Variants in XPA observed in about 807,000 individuals in gnomAD.
XPA encodes XPA, DNA damage recognition and repair factor, also known as DNA repair protein complementing XP-A cells.
In XPA, 27 loss-of-function variants were observed where a neutral mutation model predicts 35.7. That is an observed-to-expected ratio of 0.76 (90% CI 0.56 to 1.04). The LOEUF is 1.04. Among genes scored for constraint, XPA ranks in the 50% least tolerant of loss-of-function variants. XPA has a pLI of 0.00. For synonymous variants in XPA, 133 were observed against 118.4 expected (o/e 1.12, Z -0.80); for missense variants, 354 against 342.7 (o/e 1.03, Z -0.26).
At chr9:97,659,981 T>A in the XPA span, among the ~76,000 whole-genome samples, 1 of 152,208 alleles carries the variant, frequency 6.6e-6, no homozygotes, top group East Asian at 1.9e-4. Context: ...CCTTTCTAGC[T>A]CCACTTCCTT....
the XPA span, chr9:97,660,926 ACCC>A: frequency 2.2e-5 from 35 of 1,599,040 alleles, no homozygotes; most frequent in Middle Eastern, 1.7e-4. Context: ...CATTCCCCTT[ACCC>A]CCAATTCTGT....
the XPA span, among the ~76,000 whole-genome samples, chr9:97,669,224 G>A: frequency 2.0e-5 from 3 of 151,738 alleles, no homozygotes; most frequent in African/African-American, 7.3e-5. Flanking sequence ...ATTGTGGGTT[G>A]CTTTTTTTAT....
chr9:97,658,122 C>G, the XPA span, among the ~76,000 whole-genome samples: 1 of 151,766 alleles, frequency 6.6e-6, no homozygotes, highest in Admixed American at 6.6e-5. Flanking sequence ...TTGATATGCT[C>G]ATTGCCATTG....
At position 97,694,482 on chromosome 9, in the gene XPA, G is replaced by A. The variant is rs554247361; in HGVS notation, c.173-723C>T. 5.3e-5 allele frequency among the ~76,000 whole-genome samples: 8 copies of A among 152,248 alleles called. No individual in the cohort carries two copies. The South Asian group carries it at 1.2e-3, about 24-fold the overall frequency. On this transcript the variant is annotated intron_variant, in intron 1 of 5. Transcript: ENST00000375128. ...TTTGAACAGGCACTTCACAAATGAG[G>A]ATATCCAAACGGCCAAAAAGCACAT...
chr9:97,677,485 C>A (rs1286407154), intron 5 of XPA, among the ~76,000 whole-genome samples: 2 of 151,768 alleles, frequency 1.3e-5, no homozygotes, highest in Admixed American at 1.3e-4. Flanking sequence ...CCAGCCTGGG[C>A]AACACAGTGA....
the XPA span, among the ~76,000 whole-genome samples, chr9:97,661,512 T>A: frequency 6.6e-6 from 1 of 152,136 alleles, no homozygotes; most frequent in Non-Finnish European, 1.5e-5. Context: ...CAAAATAATT[T>A]ATACAGTTGC....
the XPA span, among the ~76,000 whole-genome samples, chr9:97,660,083 A>G: frequency 6.6e-6 from 1 of 152,186 alleles, no homozygotes; most frequent in Non-Finnish European, 1.5e-5. Flanking sequence ...GGCTGTGTCT[A>G]ATGTGAATAT....
the XPA span, among the ~76,000 whole-genome samples, chr9:97,663,455 G>A: frequency 6.6e-6 from 1 of 152,062 alleles, no homozygotes; most frequent in African/African-American, 2.4e-5. Context: ...TTGAAATTAT[G>A]TATTTTTTTG....
At chr9:97,668,737 A>C in the XPA span, 2 of 1,250,746 alleles carry the variant, frequency 1.6e-6, no homozygotes, top group Non-Finnish European at 2.2e-6. Context: ...TTCACTATAG[A>C]ATATAAGTCT....
At chr9:97,690,584 T>C (rs1358596432) in intron 2 of XPA, among the ~76,000 whole-genome samples, 1 of 152,114 alleles carries the variant, frequency 6.6e-6, no homozygotes, top group East Asian at 1.9e-4. Flanking sequence ...GATGGGGTTT[T>C]ACCATGTTGG....
intron 5 of XPA, among the ~76,000 whole-genome samples, chr9:97,680,578 T>C (rs571580515): frequency 1.3e-5 from 2 of 152,200 alleles, no homozygotes; most frequent in South Asian, 2.1e-4. Context: ...AGAATCACAA[T>C]GTCTGCAACT....
chr9:97,663,492 AT>A, the XPA span, among the ~76,000 whole-genome samples: 6 of 151,482 alleles, frequency 4.0e-5, no homozygotes, highest in Non-Finnish European at 5.9e-5. Context: ...TGAAATTTAA[AT>A]TTTTTTTTGG....
chr9:97,664,754 G>GGA, the XPA span, among the ~76,000 whole-genome samples: 5 of 152,308 alleles, frequency 3.3e-5, no homozygotes, highest in South Asian at 1.0e-3. Context: ...CAGAGTCTCA[G>GGA]CTAGTCCAGA....
At chr9:97,682,032 G>T (rs1828557941) in intron 5 of XPA, among the ~76,000 whole-genome samples, 2 of 150,080 alleles carry the variant, frequency 1.3e-5, no homozygotes, top group South Asian at 4.3e-4. Flanking sequence ...TCACTAACAA[G>T]AAAACACTTT....
chr9:97,671,264 A>G (rs1828185890), downstream of XPA: 2 of 1,166,370 alleles, frequency 1.7e-6, no homozygotes, highest in Non-Finnish European at 2.5e-6. Context: ...TTATTTTTTG[A>G]TGGTTTGAAT....
chr9:97,666,434 G>C, the XPA span, among the ~76,000 whole-genome samples: 2 of 152,120 alleles, frequency 1.3e-5, no homozygotes, highest in Non-Finnish European at 2.9e-5. Context: ...GAGGAAAAAT[G>C]TATTTCCATT....
chr9:97,663,157 G>C, the XPA span: 2 of 810,828 alleles, frequency 2.5e-6, no homozygotes, highest in African/African-American at 1.8e-5. Context: ...ACTCTGCCTA[G>C]ATAATGGTTT....
chr9:97,693,511 A>C (rs1222253967), intron 2 of XPA, 138 bp downstream of exon 2: 2 of 782,210 alleles, frequency 2.6e-6, no homozygotes, highest in Non-Finnish European at 4.1e-6. Flanking sequence ...AAAACTGCCA[A>C]ACTTTATCAC....
At chr9:97,693,533 T>C in intron 2 of XPA, 116 bp downstream of exon 2, 5 of 922,138 alleles carry the variant, frequency 5.4e-6, no homozygotes, top group Non-Finnish European at 8.5e-6. Flanking sequence ...TTTATAAAGA[T>C]AATGTACTCA....
Sources: gnomAD v4.1 joint callset for allele counts (sites outside exome capture counted in the v4.1 genomes callset) on GRCh38, gnomAD v4.1.1 for gene constraint, MANE v1.5 for transcripts, NCBI Gene and HGNC (gene_info 2026-07-23, HGNC 2026-07-21) for gene names.